The following FAT3 variants were observed in gnomAD, a reference collection of about 807,000 sequenced individuals.
FAT3 encodes the protein protocadherin Fat 3.
A neutral mutation model predicts 310.2 loss-of-function variants in FAT3; 95 were observed. The observed-to-expected ratio is 0.31, with a 90% CI of 0.26 to 0.36. The LOEUF (loss-of-function observed/expected upper bound fraction) is 0.36. Ranked by LOEUF, FAT3 falls within the 10% of genes least tolerant of loss-of-function variation. The probability of loss-of-function intolerance (pLI) is 1.00; values close to 1 mark genes in which losing one functional copy is unlikely to be tolerated. For missense variants in FAT3, 5,408 were observed against 5,715.6 expected (o/e 0.95, Z 1.74); for synonymous variants, 2,314 against 2,192.9 (o/e 1.06, Z -1.54).
At chr11:92,572,132 C>T (rs997166144) in intron 3 of FAT3, among the ~76,000 whole-genome samples, 6 of 152,160 alleles carry the variant, frequency 3.9e-5, no homozygotes, top group Non-Finnish European at 7.3e-5. Context: ...GGCCCCTGCC[C>T]TTATGGGGCT....
chr11:92,849,875 A>G (rs1432336668), intron 19 of FAT3, among the ~76,000 whole-genome samples: 1 of 152,190 alleles, frequency 6.6e-6, no homozygotes, highest in Non-Finnish European at 1.5e-5. Context: ...AGCATGAAAC[A>G]GCATCATGCA....
chr11:92,811,267 C>T (rs1947664774), intron 13 of FAT3, among the ~76,000 whole-genome samples: 1 of 152,092 alleles, frequency 6.6e-6, no homozygotes, highest in African/African-American at 2.4e-5. Context: ...TAGCAGATGA[C>T]TTTGGGGAAA....
At chr11:92,680,139 T>C (rs1591600228) in intron 3 of FAT3, among the ~76,000 whole-genome samples, 1 of 152,022 alleles carries the variant, frequency 6.6e-6, no homozygotes, top group South Asian at 2.1e-4. Flanking sequence ...TGGTTTTTTT[T>C]TTTCATCTAT....
rs1353435512 is a variant in FAT3, at chr11:92,792,283, C to A, written c.4612-484C>A. On this transcript the variant is annotated intron_variant, in intron 8 of 27. Coordinates refer to ENST00000525166, the MANE Select transcript of FAT3 (RefSeq NM_001367949.2). ...CTGTATCCAATTCACTGCTGAACCA[C>A]CAGTGCAAAGCCAGGGACTTGAACA... is the stretch of plus-strand genomic sequence containing the variant. Among the ~76,000 whole-genome samples the A allele has an allele frequency of 2.0e-5, 3 of 152,156 alleles. No homozygotes were observed. In the East Asian group the frequency reaches 5.8e-4, roughly 29 times the overall value.
chr11:92,602,660 GATGA>G (rs1260733753), intron 3 of FAT3, among the ~76,000 whole-genome samples: 1 of 152,226 alleles, frequency 6.6e-6, no homozygotes, highest in African/African-American at 2.4e-5. Flanking sequence ...CAGAGGCACT[GATGA>G]TCCACCTACT....
intron 4 of FAT3, among the ~76,000 whole-genome samples, chr11:92,753,773 G>GGTGTGTGTGTGTGTGTGTGT (rs145467493): frequency 1.6e-4 from 21 of 128,222 alleles, no homozygotes; most frequent in African/African-American, 4.1e-4. Context: ...AAGAAACTGT[G>GGTGTGTGTGTGTGTGTGTGT]GTGTGTGTGT....
intron 4 of FAT3, among the ~76,000 whole-genome samples, chr11:92,753,417 A>G (rs1945880546): frequency 1.3e-5 from 2 of 152,234 alleles, no homozygotes; most frequent in African/African-American, 4.8e-5. Context: ...GTTACACAAC[A>G]ATAGGTTGCT....
rs1949269864 is a variant in FAT3 at position 92,867,142 on chromosome 11, C to G, written c.12060C>G (p.Leu4020=). The G allele has an allele frequency of 6.2e-7, 1 of 1,601,408 alleles. No individual in the cohort carries two copies. ...GLTELKLGCV[L]YPDACKRSPC... ...CGGAGCTGAAGCTGGGCTGCGTGCT[C>G]TATCCCGACGCCTGCAAGCGCAGCC... The change falls in exon 22 of 28, where the codon CTC becomes CTG. Residue 4020 remains leucine, a synonymous_variant. Transcript: ENST00000525166.
intron 1 of FAT3, among the ~76,000 whole-genome samples, chr11:92,301,788 C>T (rs1318879951): frequency 6.6e-6 from 1 of 151,966 alleles, no homozygotes; most frequent in Admixed American, 6.6e-5. Context: ...ATCTTGTGTG[C>T]CTCATAGTGG....
At chr11:92,301,770 A>G (rs2134426509) in intron 1 of FAT3, among the ~76,000 whole-genome samples, 1 of 152,084 alleles carries the variant, frequency 6.6e-6, no homozygotes, top group East Asian at 1.9e-4. Flanking sequence ...AAATGTCCAA[A>G]CTAGATCATC....
At chr11:92,401,146 A>G (rs1441706990) in intron 2 of FAT3, among the ~76,000 whole-genome samples, 1 of 152,202 alleles carries the variant, frequency 6.6e-6, no homozygotes. Flanking sequence ...ACCAGATGCC[A>G]TAAGCTGGCG....
At position 92,810,906 on chromosome 11, in the gene FAT3, T is replaced by C. The variant is rs1947652458; in HGVS notation, c.9481+830T>C. Among the ~76,000 whole-genome samples, 3 of 152,216 alleles carry C rather than the reference T, an allele frequency of 2.0e-5. No homozygotes were observed. In the South Asian group the frequency reaches 6.2e-4, roughly 32 times the overall value. On this transcript the variant is annotated intron_variant, in intron 13 of 27. Transcript: ENST00000525166. Reference sequence around the variant, plus strand: ...AAATGATGAGGTGTGTCTGCTATGCTAAACAGACCTTTATATAATTCAGTG... The same window carrying C: ...AAATGATGAGGTGTGTCTGCTATGCCAAACAGACCTTTATATAATTCAGTG...
chr11:92,412,734 T>TATACAC (rs1555038579), intron 2 of FAT3, among the ~76,000 whole-genome samples: 5 of 11,884 alleles, frequency 4.2e-4, no homozygotes, highest in South Asian at 2.6e-3. Flanking sequence ...TATATATATA[T>TATACAC]ATATATATAT....
chr11:92,600,102 T>C (rs959715241), intron 3 of FAT3, among the ~76,000 whole-genome samples: 4 of 152,216 alleles, frequency 2.6e-5, no homozygotes, highest in African/African-American at 9.6e-5. Flanking sequence ...ATTTCTTGTA[T>C]CTGTTTTTTT....
rs560233855 is a variant in FAT3 at position 92,420,978 on chromosome 11, T to C, written c.3292+65574T>C. ...AGCAGGGCTCATAAAATACCCAGTTTGATTTTGTTTATTAACTTTCTCATT... is the reference window on the plus strand; with the variant it reads ...AGCAGGGCTCATAAAATACCCAGTTCGATTTTGTTTATTAACTTTCTCATT... On this transcript the variant is annotated intron_variant, in intron 2 of 27. Coordinates refer to ENST00000525166, the MANE Select transcript of FAT3 (RefSeq NM_001367949.2). 3.9e-5 allele frequency among the ~76,000 whole-genome samples: 6 copies of C among 152,214 alleles called. No homozygotes were observed. The South Asian group carries it at 1.0e-3, about 26-fold the overall frequency.
At chr11:92,877,552 A>G (rs1377248222) in intron 22 of FAT3, among the ~76,000 whole-genome samples, 2 of 152,166 alleles carry the variant, frequency 1.3e-5, no homozygotes, top group Admixed American at 6.5e-5. Flanking sequence ...TCCCAGTATT[A>G]GAAACCAGGC....
At chr11:92,489,477 G>A (rs1433956294) in intron 2 of FAT3, among the ~76,000 whole-genome samples, 1 of 152,014 alleles carries the variant, frequency 6.6e-6, no homozygotes, top group African/African-American at 2.4e-5. Context: ...AGTCTGTTAG[G>A]TTGGTCCTTG....
chr11:92,894,365 TG>T lies in FAT3; in HGVS notation c.*3254del, dbSNP rs1214717598. 6.6e-6 allele frequency: 1 copy of T among 152,000 alleles called. No homozygotes were observed. Among genetic ancestry groups the T allele is most frequent in the Non-Finnish European group, 1.5e-5 (1 of 67,910 alleles). 9.4% of individuals were successfully genotyped at this position (152,000 alleles called of 1,614,324 possible). A position where few individuals can be genotyped will look rare whatever the true frequency, so the allele number is the denominator to read the frequency against. ...TACCTACTGGTTGCATTTTTGGTTT[TG>T]GTTTTGCATTTTTTTCTTCCCACAA... On this transcript the variant is annotated 3_prime_UTR_variant, in exon 28 of 28. Transcript: ENST00000525166.
At chr11:92,588,207 A>ATT (rs11394543) in intron 3 of FAT3, among the ~76,000 whole-genome samples, 12 of 149,788 alleles carry the variant, frequency 8.0e-5, no homozygotes, top group South Asian at 2.1e-4. Flanking sequence ...TTTACCTTGG[A>ATT]TTTTTTTTTT....
Sources: allele counts gnomAD v4.1 joint callset (sites outside exome capture counted in the v4.1 genomes callset), GRCh38; gene constraint gnomAD v4.1.1; transcripts MANE v1.5; gene names NCBI Gene and HGNC (gene_info 2026-07-23, HGNC 2026-07-21).